Variants in NOD1 observed in about 807,000 individuals in gnomAD.
NOD1 encodes the protein nucleotide-binding oligomerization domain-containing protein 1.
A neutral mutation model predicts 81.2 loss-of-function variants in NOD1; 70 were observed. The observed-to-expected ratio is 0.86, with a 90% CI of 0.71 to 1.05. The LOEUF (loss-of-function observed/expected upper bound fraction) is 1.05, where lower values mean the gene tolerates loss of function less well. NOD1 is among the 50% of genes least tolerant of loss of function. NOD1 has a pLI of 0.00. For missense variants in NOD1, 1,233 were observed against 1,228.0 expected, an observed-to-expected ratio of 1.00 and a Z score of -0.06; for synonymous variants, 508 against 526.9, an observed-to-expected ratio of 0.96 and a Z score of 0.49.
At chr7:30,473,751 G>A (rs1169552858) in intron 1 of NOD1, among the ~76,000 whole-genome samples, 1 of 152,150 alleles carries the variant, frequency 6.6e-6, no homozygotes, top group Non-Finnish European at 1.5e-5. Context: ...GGCAGGAGAT[G>A]GGCATCAGGA....
intron 13 of NOD1, chr7:30,428,698 T>C (rs1783678969): frequency 6.6e-6 from 1 of 152,010 alleles, no homozygotes; most frequent in South Asian, 2.1e-4. Flanking sequence ...TATGAAATTC[T>C]CCCCAGTCAT....
chr7:30,473,135 C>G (rs1293192721), intron 1 of NOD1, among the ~76,000 whole-genome samples: 2 of 152,196 alleles, frequency 1.3e-5, no homozygotes, highest in African/African-American at 4.8e-5. Context: ...ATTACTACCT[C>G]ATTATCAGGA....
chr7:30,460,416 G>A (rs1448822814), intron 1 of NOD1: 27 of 985,284 alleles, frequency 2.7e-5, no homozygotes, highest in Non-Finnish European at 2.9e-5. Flanking sequence ...AAGAGAGGAC[G>A]GAGATTGGGC....
In NOD1 at chr7:30,478,657, C is replaced by G. The variant is rs1275630945; in HGVS notation, c.-403G>C. 1 of 152,440 alleles carries G rather than the reference C, an allele frequency of 6.6e-6. No individual in the cohort carries two copies. Among genetic ancestry groups the G allele is most frequent in the Non-Finnish European group, 1.5e-5 (1 of 68,218 alleles). 9.4% of individuals were successfully genotyped at this position (152,440 alleles called of 1,614,324 possible). A position where few individuals can be genotyped will look rare whatever the true frequency, so the allele number is the denominator to read the frequency against. On this transcript the variant is annotated 5_prime_UTR_variant, in exon 1 of 14. Coordinates refer to ENST00000222823, the MANE Select transcript of NOD1 (RefSeq NM_006092.4). The surrounding 1 kb of genome is among the most constrained non-coding windows in gnomAD (Gnocchi z 4.1). ...AGCCGCTGAGAGCTAGAGAAGAGCC[C>G]GGAGAGCGCCATGGTCCGGGGACGC...
intron 11 of NOD1, among the ~76,000 whole-genome samples, chr7:30,434,709 C>T (rs1448122423): frequency 1.3e-5 from 2 of 152,146 alleles, no homozygotes; most frequent in Non-Finnish European, 2.9e-5. Context: ...TAGTGTCTTA[C>T]ATTTTTTCCA....
rs1269318551 is a variant in NOD1 at position 30,424,762 on chromosome 7, C to G, written c.*876G>C. Reference sequence around the variant, plus strand: ...TCCCCTCTTCACGAGGTAAGGGAGACAAAAGCAGCCATTTGGATGCCAGGG... The same window carrying G: ...TCCCCTCTTCACGAGGTAAGGGAGAGAAAAGCAGCCATTTGGATGCCAGGG... On this transcript the variant is annotated 3_prime_UTR_variant, in exon 14 of 14. Transcript: ENST00000222823. The G allele has an allele frequency of 6.6e-6, 1 of 152,194 alleles. No homozygotes were observed. Among genetic ancestry groups the G allele is most frequent in the African/African-American group, 2.4e-5 (1 of 41,412 alleles). 9.4% of individuals were successfully genotyped at this position (152,194 alleles called of 1,614,324 possible).
chr7:30,427,549 A>G (rs1472593319), intron 13 of NOD1, among the ~76,000 whole-genome samples: 1 of 152,164 alleles, frequency 6.6e-6, no homozygotes, highest in Non-Finnish European at 1.5e-5. Flanking sequence ...ACAGAGGAGC[A>G]TGCTCTGGAG....
In NOD1 at chr7:30,451,521, C is replaced by T. The variant is rs753351446; in HGVS notation, c.1896G>A (p.Leu632=). The change falls in exon 6 of 14, where the codon CTG becomes CTA. Residue 632 remains leucine (L), a synonymous_variant. Coordinates refer to ENST00000222823, the MANE Select transcript of NOD1 (RefSeq NM_006092.4). The surrounding 1 kb of genome is among the most constrained non-coding windows in gnomAD (Gnocchi z 4.2). ...CGACCTGAACGCGGGGCAGGCTCTT[C>T]AGGTAGCCCCGCAGGCTGGAAAACA... ...AHLFSSLRGY[L]KSLPRVQVES... is the part of the protein sequence containing the mutation. The T allele has an allele frequency of 1.2e-6, 2 of 1,613,126 alleles. No homozygotes were observed. The highest frequency in any genetic ancestry group is 4.5e-5 in the East Asian group (2 of 44,868).
rs370293254 is a variant in NOD1 at position 30,455,318 on chromosome 7, G to A, written c.202-7C>T. On this transcript the variant is annotated splice_region_variant and splice_polypyrimidine_tract_variant and intron_variant, in intron 4 of 13. Transcript: ENST00000222823. ...GGTCCAGAATTTTGCGGACCTGGAG[G>A]TGACACAAGCATGAGGGCACGGGCT... is the stretch of plus-strand genomic sequence containing the variant. 4 of 1,609,060 alleles carry A rather than the reference G, an allele frequency of 2.5e-6. No homozygotes were observed. The highest frequency in any genetic ancestry group is 3.3e-5 in the Admixed American group (2 of 59,934).
At position 30,468,807 on chromosome 7, in the gene NOD1, T is replaced by G. The variant is rs146858663; in HGVS notation, c.-351-8766A>C. 6.6e-5 allele frequency: 65 copies of G among 984,348 alleles called. 1 individual carries two copies. In the East Asian group the frequency reaches 6.1e-3, roughly 93 times the overall value. The allele number at this position is 984,348 out of a possible 1,614,324, so 61.0% of individuals were successfully genotyped here. On this transcript the variant is annotated intron_variant, in intron 1 of 13. Transcript: ENST00000222823. ...TGACTTCTCTTGAATATGATTCATT[T>G]TGGTGAATTTAATCCACAGGCTCCA...
Position 30,429,361 on chromosome 7 carries a change from G to T in NOD1, c.2789+13C>A. On this transcript the variant is annotated intron_variant, in intron 13 of 13. Coordinates refer to ENST00000222823, the MANE Select transcript of NOD1 (RefSeq NM_006092.4). ...CACTGGTGTTATTACTGTGACAAAC[G>T]CTGGGATCTTACCAAATCTCTGTTA... 6.2e-7 allele frequency: 1 copy of T among 1,608,228 alleles called. No individual in the cohort carries two copies. Among genetic ancestry groups the T allele is most frequent in the Non-Finnish European group, 8.5e-7 (1 of 1,174,494 alleles).
chr7:30,457,604 G>A (rs1362631035), intron 3 of NOD1, among the ~76,000 whole-genome samples: 1 of 152,114 alleles, frequency 6.6e-6, no homozygotes, highest in Admixed American at 6.5e-5. Flanking sequence ...TAAAGCAAAA[G>A]TGTGCTTTGA....
Position 30,451,821 on chromosome 7 carries a change from G to T in NOD1, c.1596C>A (p.Asp532Glu). The change falls in exon 6 of 14, where the codon GAC becomes GAA. Residue 532 changes from aspartate (D) to glutamate (E), a missense_variant. Physicochemically the swap from Asp to Glu is conservative, Grantham distance 45. Coordinates refer to ENST00000222823, the MANE Select transcript of NOD1 (RefSeq NM_006092.4). This position sits in a 1 kb window ranked among gnomAD's most constrained non-coding sequence, Gnocchi z 4.2. ...AFFTAFFLVLDDRVGTQELLR... is the reference protein window; with the variant it reads ...AFFTAFFLVLEDRVGTQELLR... ...GCAGCTCCTGAGTGCCCACCCTGTC[G>T]TCCAGCACGAGGAAGAAGGCTGTAA... 1.2e-6 allele frequency: 2 copies of T among 1,613,804 alleles called. No homozygotes were observed. Among genetic ancestry groups the T allele is most frequent in the Non-Finnish European group, 1.7e-6 (2 of 1,180,026 alleles).
rs1446645511 is a variant in NOD1 at position 30,478,032 on chromosome 7, G to C, written c.-352+574C>G. Among the ~76,000 whole-genome samples the C allele has an allele frequency of 6.6e-6, 1 of 152,124 alleles. No homozygotes were observed. The highest frequency in any genetic ancestry group is 1.5e-5 in the Non-Finnish European group (1 of 68,024). Reference sequence around the variant, plus strand: ...GAGGCGTTTTTGAATGTGATATTCAGGCGACCTTGCCAAGCATTGTCTCAT... The same window carrying C: ...GAGGCGTTTTTGAATGTGATATTCACGCGACCTTGCCAAGCATTGTCTCAT... On this transcript the variant is annotated intron_variant, in intron 1 of 13. Coordinates refer to ENST00000222823, the MANE Select transcript of NOD1 (RefSeq NM_006092.4). The surrounding 1 kb of genome is among the most constrained non-coding windows in gnomAD (Gnocchi z 4.1).
At position 30,451,053 on chromosome 7, in the gene NOD1, C is replaced by A. The variant is rs985257762; in HGVS notation, c.2201+163G>T. On this transcript the variant is annotated intron_variant, in intron 6 of 13. Coordinates refer to ENST00000222823, the MANE Select transcript of NOD1 (RefSeq NM_006092.4). The surrounding 1 kb of genome is among the most constrained non-coding windows in gnomAD (Gnocchi z 4.2). ...TGATCCAGGTCCACCTGCCTCGAAGCTTTGCACCTTGACCTCTGCCCTGCT... is the reference window on the plus strand; with the variant it reads ...TGATCCAGGTCCACCTGCCTCGAAGATTTGCACCTTGACCTCTGCCCTGCT... Among the ~76,000 whole-genome samples, 1 of 152,198 alleles carries A rather than the reference C, an allele frequency of 6.6e-6. No individual in the cohort carries two copies. The highest frequency in any genetic ancestry group is 6.5e-5 in the Admixed American group (1 of 15,282).
chr7:30,425,639 CAG>C lies in NOD1; in HGVS notation c.2859_2860del (p.Phe953LeufsTer85), dbSNP rs774105639. The C allele has an allele frequency of 9.1e-5, 146 of 1,611,872 alleles. No individual in the cohort carries two copies. In the Admixed American group the frequency reaches 2.4e-3, roughly 27 times the overall value. On this transcript the variant is annotated frameshift_variant and stop_lost, in exon 14 of 14. Coordinates refer to ENST00000222823, the MANE Select transcript of NOD1 (RefSeq NM_006092.4). LOFTEE classifies it high-confidence loss of function. ...CCCCATGAACAGGAAAGCATCCTCT[CAG>C]AAACAGATAATCCGCTTCTCATCTT...
intron 9 of NOD1, among the ~76,000 whole-genome samples, chr7:30,438,286 C>G (rs577296501): frequency 7.2e-4 from 110 of 152,342 alleles, no homozygotes; most frequent in South Asian, 1.9e-3. Flanking sequence ...CTGGCTAAAA[C>G]AGTCTGCGTG....
Position 30,457,008 on chromosome 7 carries a change from G to A in NOD1, c.-87C>T, listed in dbSNP as rs1045089579. ...CAGAAGGGCAATCAGGATTCAGGCCGCGCCCTCCAGGGCCCCTGCTACTCT... is the reference window on the plus strand; with the variant it reads ...CAGAAGGGCAATCAGGATTCAGGCCACGCCCTCCAGGGCCCCTGCTACTCT... On this transcript the variant is annotated 5_prime_UTR_variant, in exon 4 of 14. Coordinates refer to ENST00000222823, the MANE Select transcript of NOD1 (RefSeq NM_006092.4). 1.3e-5 allele frequency: 15 copies of A among 1,117,880 alleles called. No homozygotes were observed. The African/African-American group carries it at 2.0e-4, about 15-fold the overall frequency. 69.2% of individuals were successfully genotyped at this position (1,117,880 alleles called of 1,614,324 possible).
intron 6 of NOD1, 114 bp from the exon 7 acceptor site, chr7:30,448,495 C>G: frequency 1.1e-6 from 1 of 886,576 alleles, no homozygotes; most frequent in South Asian, 1.4e-5. Flanking sequence ...CAGGTATAGA[C>G]GCCCCTGGAG....
Sources: allele counts gnomAD v4.1 joint callset (sites outside exome capture counted in the v4.1 genomes callset), GRCh38; gene constraint gnomAD v4.1.1; non-coding constraint Gnocchi (gnomAD v3.1); transcripts MANE v1.5; gene names NCBI Gene and HGNC (gene_info 2026-07-23, HGNC 2026-07-21).